Variants in IQANK1 observed in about 807,000 individuals in gnomAD.
IQANK1 encodes IQ motif and ankyrin repeat containing 1.
Under a neutral mutation model 22.6 loss-of-function variants are expected in IQANK1, and 30 were observed. The observed-to-expected ratio is 1.33, with a 90% CI of 0.99 to 1.80. IQANK1 has a LOEUF of 1.80. Among genes scored for constraint, IQANK1 ranks in the 40% most tolerant of loss-of-function variants. IQANK1 has a pLI of 0.00. For synonymous variants in IQANK1, 122 were observed against 99.6 expected (o/e 1.23, Z -1.34); for missense variants, 275 against 235.2 (o/e 1.17, Z -1.11).
intron 7 of IQANK1, 43 bp from the exon 8 acceptor site, chr8:143,788,872 C>G (rs149571056): frequency 3.3e-5 from 13 of 399,024 alleles, no homozygotes; most frequent in African/African-American, 2.3e-4. Context: ...TGAGGAGACT[C>G]GGAACACGCA....
chr8:143,773,162 C>T (rs962735434), intron 7 of IQANK1, among the ~76,000 whole-genome samples: 2 of 152,146 alleles, frequency 1.3e-5, no homozygotes, highest in Non-Finnish European at 2.9e-5. Flanking sequence ...CAAAAATTAG[C>T]TGGGCGTCGT....
Position 143,772,366 on chromosome 8 carries a change from G to A in IQANK1, c.673G>A (p.Gly225Ser). The stretch of plus-strand genomic sequence containing the variant: ...GGGGCCCGTCTTGCAGGGCGCTTTC[G>A]GTCCGACGCCGCTGTACCGTGCAGC... The part of the protein sequence containing the change: ...GASPNSKGAF[G>S]PTPLYRAAFG... The change falls in exon 7 of 14, where the codon GGT (glycine) becomes AGT (serine). Residue 225 changes from glycine to serine, a missense_variant. Gly to Ser is a moderately conservative substitution (Grantham distance 56). Transcript: ENST00000527139. The A allele has an allele frequency of 5.0e-6, 2 of 399,134 alleles. No homozygotes were observed. Among genetic ancestry groups the A allele is most frequent in the East Asian group, 3.6e-5 (1 of 28,052 alleles). The allele number at this position is 399,134 out of a possible 1,614,324, so 24.7% of individuals were successfully genotyped here.
At chr8:143,734,752 C>T (rs1382267851) in intron 1 of IQANK1, among the ~76,000 whole-genome samples, 1 of 152,056 alleles carries the variant, frequency 6.6e-6, no homozygotes, top group East Asian at 1.9e-4. Flanking sequence ...ACCCTGTGTA[C>T]ACACAGGGAC....
At chr8:143,777,697 A>T (rs1278532504) in intron 7 of IQANK1, among the ~76,000 whole-genome samples, 3 of 152,162 alleles carry the variant, frequency 2.0e-5, no homozygotes. Context: ...TAAAGCAACT[A>T]CTACAATATC....
Position 143,789,474 on chromosome 8 carries a change from A to G in IQANK1, c.1032A>G (p.Ser344=). The change falls in exon 10 of 14, where the codon TCA becomes TCG. Residue 344 remains serine (S), a synonymous_variant. Coordinates refer to ENST00000527139, the MANE Select transcript of IQANK1 (RefSeq NM_001381874.1). ...QAYCELSRRI[S]EHDQCEWRCM... is the part of the protein sequence containing the mutation. ...ACTGTGAGCTTAGCCGGAGGATCTC[A>G]GAGCACGACCAGTGTGAGTGGAGGT... is the stretch of plus-strand genomic sequence containing the variant. 8.1e-7 allele frequency: 1 copy of G among 1,232,184 alleles called. No homozygotes were observed. Among genetic ancestry groups the G allele is most frequent in the Non-Finnish European group, 1.0e-6 (1 of 988,104 alleles). 76.3% of individuals were successfully genotyped at this position (1,232,184 alleles called of 1,614,324 possible). A position where few individuals can be genotyped will look rare whatever the true frequency, so the allele number is the denominator to read the frequency against.
intron 3 of IQANK1, among the ~76,000 whole-genome samples, chr8:143,764,047 T>C (rs1554629048): frequency 1.3e-5 from 2 of 152,142 alleles, no homozygotes; most frequent in East Asian, 3.9e-4. Flanking sequence ...AGGATGATTC[T>C]CCTTCAAGGA....
chr8:143,739,982 G>A (rs1554626253), intron 3 of IQANK1, 34 bp downstream of exon 3: 2 of 676,032 alleles, frequency 3.0e-6, no homozygotes, highest in Non-Finnish European at 5.4e-6. Context: ...CGCTGTGGGT[G>A]ACCGGGTGAG....
intron 2 of IQANK1, among the ~76,000 whole-genome samples, chr8:143,736,637 G>C (rs1489291095): frequency 6.6e-6 from 1 of 152,130 alleles, no homozygotes; most frequent in African/African-American, 2.4e-5. Flanking sequence ...TGTGTTCTCT[G>C]ACTCTCTGCT....
At chr8:143,755,160 G>C (rs9650469) in intron 3 of IQANK1, among the ~76,000 whole-genome samples, 60,179 of 151,962 alleles carry the variant, frequency 0.4, 15,400 homozygotes, top group Non-Finnish European at 0.58. Context: ...ATAAGATACA[G>C]TGATATATTC....
chr8:143,760,182 T>C (rs1458948482), intron 3 of IQANK1, among the ~76,000 whole-genome samples: 2 of 152,120 alleles, frequency 1.3e-5, no homozygotes, highest in African/African-American at 4.8e-5. Flanking sequence ...TGGGGAAGGC[T>C]GGGAGGGCAA....
At chr8:143,765,213 C>T (rs1554629142) in intron 3 of IQANK1, among the ~76,000 whole-genome samples, 3 of 151,988 alleles carry the variant, frequency 2.0e-5, no homozygotes, top group African/African-American at 7.3e-5. Flanking sequence ...AGAAGTTAGC[C>T]AGGCATGGTG....
chr8:143,770,285 A>G (rs782251661), intron 3 of IQANK1, among the ~76,000 whole-genome samples: 1 of 151,456 alleles, frequency 6.6e-6, no homozygotes, highest in Non-Finnish European at 1.5e-5. Context: ...TCATTTCAGG[A>G]TTTCCTGGGT....
At chr8:143,790,094 T>C (rs1352942739) in intron 12 of IQANK1, 30 bp downstream of exon 12, 8 of 1,231,936 alleles carry the variant, frequency 6.5e-6, no homozygotes, top group Admixed American at 8.4e-5. Context: ...CGTGGGCGAT[T>C]TGGGGTTTGG....
intron 3 of IQANK1, among the ~76,000 whole-genome samples, chr8:143,764,646 G>A (rs1193320760): frequency 3.3e-5 from 5 of 151,882 alleles, no homozygotes; most frequent in Admixed American, 2.0e-4. Context: ...AATAACAAAC[G>A]TGCAAACATT....
chr8:143,781,038 T>C (rs1554630885), intron 7 of IQANK1, among the ~76,000 whole-genome samples: 1 of 152,224 alleles, frequency 6.6e-6, no homozygotes, highest in African/African-American at 2.4e-5. Flanking sequence ...TGAGATGGTG[T>C]ATCCTCATTG....
At chr8:143,741,647 C>G (rs1818918150) in intron 3 of IQANK1, 1 of 152,448 alleles carries the variant, frequency 6.6e-6, no homozygotes. Context: ...GGGCGAGGCA[C>G]TTAGCGTGGA....
intron 2 of IQANK1, among the ~76,000 whole-genome samples, chr8:143,739,139 A>G (rs1554626098): frequency 6.6e-6 from 1 of 152,116 alleles, no homozygotes; most frequent in Non-Finnish European, 1.5e-5. Flanking sequence ...CACTGCAACA[A>G]GGGCCTGACT....
At chr8:143,762,110 C>T (rs1408293742) in intron 3 of IQANK1, among the ~76,000 whole-genome samples, 2 of 152,014 alleles carry the variant, frequency 1.3e-5, no homozygotes, top group Non-Finnish European at 2.9e-5. Flanking sequence ...AAATCTGATC[C>T]TTTGTAACTA....
intron 7 of IQANK1, among the ~76,000 whole-genome samples, chr8:143,776,017 TGGCTCACGCCTGTAATCCCAGCGGCCG>T (rs1819675081): frequency 4.1e-5 from 6 of 145,510 alleles, no homozygotes; most frequent in African/African-American, 1.7e-4. Flanking sequence ...CCGGGCGCGG[TGGCTCACGCCTGTAATCCCAGCGGCCG>T]GGCGCGGCGG....
Sources: gnomAD v4.1 joint callset for allele counts (sites outside exome capture counted in the v4.1 genomes callset) on GRCh38, gnomAD v4.1.1 for gene constraint, MANE v1.5 for transcripts, NCBI Gene and HGNC (gene_info 2026-07-23, HGNC 2026-07-21) for gene names.